Variants in AGAP1 observed in about 807,000 individuals in gnomAD.
AGAP1 encodes the protein arf-GAP with GTPase, ANK repeat and PH domain-containing protein 1.
In AGAP1, 29 loss-of-function variants were observed where a neutral mutation model predicts 105.3. That is an observed-to-expected ratio of 0.28 (90% CI 0.21 to 0.38). The LOEUF is 0.38. AGAP1 is among the 10% of genes least tolerant of loss of function. AGAP1 has a pLI of 1.00. For missense variants in AGAP1, 998 were observed against 1,165.1 expected, an observed-to-expected ratio of 0.86 and a Z score of 2.09; for synonymous variants, 509 against 485.9, an observed-to-expected ratio of 1.05 and a Z score of -0.63.
intron 1 of AGAP1, among the ~76,000 whole-genome samples, chr2:235,505,480 T>C (rs911367977): frequency 6.6e-6 from 1 of 152,188 alleles, no homozygotes; most frequent in Non-Finnish European, 1.5e-5. Context: ...ATACTCACTT[T>C]GTTTAGTAGG....
chr2:235,852,666 T>A (rs1167973079), intron 9 of AGAP1: 2 of 1,437,826 alleles, frequency 1.4e-6, no homozygotes, highest in Admixed American at 2.9e-5. Context: ...GAATTTTTTT[T>A]ATCTCCTTTC....
chr2:235,768,650 C>T (rs1955170854), intron 6 of AGAP1, among the ~76,000 whole-genome samples: 1 of 152,190 alleles, frequency 6.6e-6, no homozygotes, highest in African/African-American at 2.4e-5. Context: ...GTGTTGCAGT[C>T]GAATCAGTAA....
At chr2:235,816,966 T>C (rs576994875) in intron 9 of AGAP1, among the ~76,000 whole-genome samples, 1 of 152,318 alleles carries the variant, frequency 6.6e-6, no homozygotes, top group Non-Finnish European at 1.5e-5. Flanking sequence ...TTCTGCAGTA[T>C]TTATTTAACA....
At chr2:235,918,371 A>G (rs995745953) in intron 11 of AGAP1, among the ~76,000 whole-genome samples, 6 of 152,220 alleles carry the variant, frequency 3.9e-5, no homozygotes, top group African/African-American at 9.6e-5. Flanking sequence ...TTTAATGTCT[A>G]TTTGACAATT....
In AGAP1 at chr2:235,875,999, T is replaced by G. The variant is rs867677043; in HGVS notation, c.1051-7346T>G. Among the ~76,000 whole-genome samples, 11 of 152,192 alleles carry G rather than the reference T, an allele frequency of 7.2e-5. No individual in the cohort carries two copies. The highest frequency in any genetic ancestry group is 2.7e-4 in the African/African-American group (11 of 41,458). ...AACAAATGTTAATTTCCTCAAAAAG[T>G]AGTTGTTCTATGTCAGACCCATGAC... On this transcript the variant is annotated intron_variant, in intron 9 of 17. Coordinates refer to ENST00000304032, the MANE Select transcript of AGAP1 (RefSeq NM_001037131.3). This position sits in a 1 kb window ranked among gnomAD's most constrained non-coding sequence, Gnocchi z 4.0.
At position 235,615,514 on chromosome 2, in the gene AGAP1, C is replaced by T. The variant is rs1946280038; in HGVS notation, c.164-93665C>T. ...CCTAAATTTATCCGTAAGCATGGAT[C>T]AAATGCACATTTGGCATGATTCTCA... On this transcript the variant is annotated intron_variant, in intron 1 of 17. Transcript: ENST00000304032. The surrounding 1 kb of genome is among the most constrained non-coding windows in gnomAD (Gnocchi z 5.0). Among the ~76,000 whole-genome samples the T allele has an allele frequency of 6.6e-6, 1 of 152,172 alleles. No individual in the cohort carries two copies. The highest frequency in any genetic ancestry group is 6.5e-5 in the Admixed American group (1 of 15,276).
intron 10 of AGAP1, among the ~76,000 whole-genome samples, chr2:235,885,747 C>T (rs1395874240): frequency 6.6e-6 from 1 of 152,206 alleles, no homozygotes; most frequent in African/African-American, 2.4e-5. Context: ...TTCAGAACCA[C>T]GCAGCAAAGC....
At chr2:235,661,827 G>GAT (rs1947966566) in intron 1 of AGAP1, among the ~76,000 whole-genome samples, 1 of 152,206 alleles carries the variant, frequency 6.6e-6, no homozygotes, top group Non-Finnish European at 1.5e-5. Flanking sequence ...AGTAGACAGT[G>GAT]ATACAGTGAT....
chr2:235,828,202 G>T (rs1481198157), intron 9 of AGAP1, among the ~76,000 whole-genome samples: 2 of 152,158 alleles, frequency 1.3e-5, no homozygotes, highest in Non-Finnish European at 2.9e-5. Context: ...GAAGTATTTT[G>T]AACTCAGTGA....
chr2:235,936,188 A>ACG lies in AGAP1; in HGVS notation c.1483+5265_1483+5266insCG, dbSNP rs2052979414. 6.6e-6 allele frequency among the ~76,000 whole-genome samples: 1 copy of ACG among 152,288 alleles called. No individual in the cohort carries two copies. The highest frequency in any genetic ancestry group is 1.9e-4 in the East Asian group (1 of 5,170). ...CTGCATTTCTTCACGTGACTCTTCC[A>ACG]TGTGGCTCTTGAGCCTCACTTCCCT... On this transcript the variant is annotated intron_variant, in intron 12 of 17. Transcript: ENST00000304032. The surrounding 1 kb of genome is among the most constrained non-coding windows in gnomAD (Gnocchi z 4.7).
chr2:236,046,475 T>C lies in AGAP1; in HGVS notation c.1892-2584T>C, dbSNP rs2057721134. 6.6e-6 allele frequency among the ~76,000 whole-genome samples: 1 copy of C among 152,114 alleles called. No individual in the cohort carries two copies. Among genetic ancestry groups the C allele is most frequent in the African/African-American group, 2.4e-5 (1 of 41,412 alleles). The stretch of plus-strand genomic sequence containing the variant: ...GACTTATGAGAGGTTGAGAACCTTG[T>C]GATTGGCTGTGGGAATGATGGAAGA... On this transcript the variant is annotated intron_variant, in intron 15 of 17. Coordinates refer to ENST00000304032, the MANE Select transcript of AGAP1 (RefSeq NM_001037131.3). This position sits in a 1 kb window ranked among gnomAD's most constrained non-coding sequence, Gnocchi z 5.2.
At position 235,721,916 on chromosome 2, in the gene AGAP1, G is replaced by C. The variant is rs887554604; in HGVS notation, c.310+4272G>C. 1.3e-5 allele frequency among the ~76,000 whole-genome samples: 2 copies of C among 152,186 alleles called. No homozygotes were observed. Among genetic ancestry groups the C allele is most frequent in the East Asian group, 3.9e-4 (2 of 5,190 alleles). On this transcript the variant is annotated intron_variant, in intron 3 of 17. Transcript: ENST00000304032. This position sits in a 1 kb window ranked among gnomAD's most constrained non-coding sequence, Gnocchi z 4.5. The stretch of plus-strand genomic sequence containing the variant: ...TCCATCCCAGAGGGTAACATCTGCT[G>C]TCTTAATTGTGTGATGCATTTTGGT...
chr2:235,889,539 T>C lies in AGAP1; in HGVS notation c.1155+6090T>C, dbSNP rs1326561577. 1.4e-5 allele frequency among the ~76,000 whole-genome samples: 2 copies of C among 141,562 alleles called. No individual in the cohort carries two copies. Among genetic ancestry groups the C allele is most frequent in the Non-Finnish European group, 3.0e-5 (2 of 66,058 alleles). 92.9% of individuals were successfully genotyped at this position (141,562 alleles called of 152,430 possible). A position where few individuals can be genotyped will look rare whatever the true frequency, so the allele number is the denominator to read the frequency against. On this transcript the variant is annotated intron_variant, in intron 10 of 17. Coordinates refer to ENST00000304032, the MANE Select transcript of AGAP1 (RefSeq NM_001037131.3). This position sits in a 1 kb window ranked among gnomAD's most constrained non-coding sequence, Gnocchi z 4.6. ...CCTTTCTCGTCATCCCCCAAAAGTG[T>C]CTTTGCCTTTTTTTTTTTTTTTTAG...
rs566711522 is a variant in AGAP1, at chr2:235,675,425, C to T, written c.164-33754C>T. ...CAATCTCCTGACCTCGTGATACACCCGCCTCAGCCTCCCAAGGTGCTGGGA... is the reference window on the plus strand; with the variant it reads ...CAATCTCCTGACCTCGTGATACACCTGCCTCAGCCTCCCAAGGTGCTGGGA... On this transcript the variant is annotated intron_variant, in intron 1 of 17. Coordinates refer to ENST00000304032, the MANE Select transcript of AGAP1 (RefSeq NM_001037131.3). Among the ~76,000 whole-genome samples the T allele has an allele frequency of 5.3e-4, 81 of 152,082 alleles. 1 individual carries two copies. The highest frequency in any genetic ancestry group is 1.8e-3 in the African/African-American group (74 of 41,502).
rs958972542 is a variant in AGAP1 at position 235,875,455 on chromosome 2, C to T, written c.1051-7890C>T. ...GATTGTCAGGGCTGAGAACCCAGCA[C>T]AGGTCTGTGATGCCCACGAGGCTGT... On this transcript the variant is annotated intron_variant, in intron 9 of 17. Coordinates refer to ENST00000304032, the MANE Select transcript of AGAP1 (RefSeq NM_001037131.3). The surrounding 1 kb of genome is among the most constrained non-coding windows in gnomAD (Gnocchi z 4.0). Among the ~76,000 whole-genome samples, 2 of 152,206 alleles carry T rather than the reference C, an allele frequency of 1.3e-5. No homozygotes were observed. The highest frequency in any genetic ancestry group is 2.9e-5 in the Non-Finnish European group (2 of 68,034).
At position 235,521,620 on chromosome 2, in the gene AGAP1, A is replaced by G. The variant is rs997575610; in HGVS notation, c.163+26771A>G. Reference sequence around the variant, plus strand: ...TTTAACTTAGGAACATGTTCTGGAAACCACTCCATAGTGTGGGCTCCAGAA... The same window carrying G: ...TTTAACTTAGGAACATGTTCTGGAAGCCACTCCATAGTGTGGGCTCCAGAA... On this transcript the variant is annotated intron_variant, in intron 1 of 17. Transcript: ENST00000304032. 5.9e-5 allele frequency among the ~76,000 whole-genome samples: 9 copies of G among 152,078 alleles called. 1 individual carries two copies. The highest frequency in any genetic ancestry group is 1.0e-4 in the Non-Finnish European group (7 of 68,024).
In AGAP1 at chr2:235,801,346, C is replaced by G. The variant is rs901114567; in HGVS notation, c.957+1824C>G. Reference sequence around the variant, plus strand: ...CAGAAGAGATCTGGTGGCATTGCTTCCATGGTTTTCTCACTCCATTGATGC... The same window carrying G: ...CAGAAGAGATCTGGTGGCATTGCTTGCATGGTTTTCTCACTCCATTGATGC... On this transcript the variant is annotated intron_variant, in intron 8 of 17. Transcript: ENST00000304032. This position sits in a 1 kb window ranked among gnomAD's most constrained non-coding sequence, Gnocchi z 6.0. 3.9e-5 allele frequency among the ~76,000 whole-genome samples: 6 copies of G among 152,146 alleles called. No individual in the cohort carries two copies. Among genetic ancestry groups the G allele is most frequent in the African/African-American group, 1.4e-4 (6 of 41,432 alleles).
chr2:235,541,701 T>G (rs1943447956), intron 1 of AGAP1, among the ~76,000 whole-genome samples: 1 of 152,168 alleles, frequency 6.6e-6, no homozygotes, highest in Admixed American at 6.5e-5. Flanking sequence ...CATTCTTAAT[T>G]TTATCACTTA....
chr2:236,017,476 C>A (rs2056746098), intron 13 of AGAP1, among the ~76,000 whole-genome samples: 1 of 137,712 alleles, frequency 7.3e-6, no homozygotes, highest in African/African-American at 2.8e-5. Flanking sequence ...CGTCGTGTTA[C>A]ACTAAATATA....
Sources: allele counts gnomAD v4.1 joint callset (sites outside exome capture counted in the v4.1 genomes callset), GRCh38; gene constraint gnomAD v4.1.1; non-coding constraint Gnocchi (gnomAD v3.1); transcripts MANE v1.5; gene names NCBI Gene and HGNC (gene_info 2026-07-23, HGNC 2026-07-21).